ANKRD52: variants seen among roughly 807,000 people sequenced by gnomAD.
ANKRD52 encodes the protein ankyrin repeat domain 52.
Under a neutral mutation model 116.0 loss-of-function variants are expected in ANKRD52, and 7 were observed. The ratio of observed to expected loss-of-function variants is 0.06; its 90% CI spans 0.03 to 0.11. The LOEUF is 0.11. Among genes scored for constraint, ANKRD52 ranks in the 10% least tolerant of loss-of-function variants. ANKRD52 has a pLI of 1.00. For synonymous variants in ANKRD52, 528 were observed against 578.1 expected, an observed-to-expected ratio of 0.91 and a Z score of 1.24; for missense variants, 839 against 1,408.6, an observed-to-expected ratio of 0.60 and a Z score of 6.47.
chr12:56,256,992 T>G lies in ANKRD52; in HGVS notation c.261+23A>C, dbSNP rs780390395. On this transcript the variant is annotated intron_variant, in intron 4 of 27. Transcript: ENST00000267116. ...AAGCAACTTATCCTTTTTGAAAGGG[T>G]AATAGAAGGTGGGGGTGCATACCTC... 12 of 1,606,124 alleles carry G rather than the reference T, an allele frequency of 7.5e-6. 1 individual carries two copies. The South Asian group carries it at 1.3e-4, about 18-fold the overall frequency.
intron 4 of ANKRD52, among the ~76,000 whole-genome samples, 159 bp from the exon 5 acceptor site, chr12:56,256,143 C>T (rs775184515): frequency 2.6e-5 from 4 of 152,126 alleles, no homozygotes; most frequent in Non-Finnish European, 4.4e-5. Context: ...ACCTACTTTC[C>T]ATCTTCTGGA....
rs1286813516 is a variant in ANKRD52, at chr12:56,238,732, G to C, written c.*4410C>G. ...ACCCCTGCCAAACCCACTCAAGCCA[G>C]AACCCACCCCCACCCCCCAAACACA... On this transcript the variant is annotated 3_prime_UTR_variant, in exon 28 of 28. Coordinates refer to ENST00000267116, the MANE Select transcript of ANKRD52 (RefSeq NM_173595.4). 6.6e-6 allele frequency: 1 copy of C among 152,210 alleles called. No individual in the cohort carries two copies. Among genetic ancestry groups the C allele is most frequent in the African/African-American group, 2.4e-5 (1 of 41,274 alleles). 9.4% of individuals were successfully genotyped at this position (152,210 alleles called of 1,614,324 possible). A position where few individuals can be genotyped will look rare whatever the true frequency, so the allele number is the denominator to read the frequency against.
Position 56,252,038 on chromosome 12 carries a change from C to T in ANKRD52, c.1569G>A (p.Glu523=). ...ACAAGAAGGCCTCCTTCCTGCGGGACTCCTTCAGTGGCTCGTCCTCTTCGG... is the reference window on the plus strand; with the variant it reads ...ACAAGAAGGCCTCCTTCCTGCGGGATTCCTTCAGTGGCTCGTCCTCTTCGG... ...HDAEEDEPLK[E]SRRKEAFFCL... The change falls in exon 15 of 28, where the codon GAG becomes GAA. Residue 523 remains glutamate, a synonymous_variant. Coordinates refer to ENST00000267116, the MANE Select transcript of ANKRD52 (RefSeq NM_173595.4). The surrounding 1 kb of genome is among the most constrained non-coding windows in gnomAD (Gnocchi z 4.7). 1.2e-6 allele frequency: 2 copies of T among 1,613,918 alleles called. No homozygotes were observed. The highest frequency in any genetic ancestry group is 1.7e-6 in the Non-Finnish European group (2 of 1,179,892).
Position 56,253,896 on chromosome 12 carries a change from CA to C in ANKRD52, c.907-97del. ...CCTTCCAAGGACATATCTCTAAGGA[CA>C]AAAGGGTCATATGGCACCTTCTTAG... is the stretch of plus-strand genomic sequence containing the variant. On this transcript the variant is annotated intron_variant, in intron 8 of 27. Transcript: ENST00000267116. This position sits in a 1 kb window ranked among gnomAD's most constrained non-coding sequence, Gnocchi z 5.5. 7.0e-7 allele frequency: 1 copy of C among 1,428,082 alleles called. No homozygotes were observed. Among genetic ancestry groups the C allele is most frequent in the African/African-American group, 1.4e-5 (1 of 70,476 alleles). The allele number at this position is 1,428,082 out of a possible 1,614,324, so 88.5% of individuals were successfully genotyped here.
At position 56,253,416 on chromosome 12, in the gene ANKRD52, C is replaced by T; in HGVS notation, c.986-14G>A. Reference sequence around the variant, plus strand: ...CAATCTCGCTGCCTGTGAGGGGATGCACACACACAAGCTCAGGCAGACCTC... The same window carrying T: ...CAATCTCGCTGCCTGTGAGGGGATGTACACACACAAGCTCAGGCAGACCTC... On this transcript the variant is annotated splice_polypyrimidine_tract_variant and intron_variant, in intron 9 of 27. Transcript: ENST00000267116. The surrounding 1 kb of genome is among the most constrained non-coding windows in gnomAD (Gnocchi z 5.5). The T allele has an allele frequency of 6.3e-7, 1 of 1,597,916 alleles. No homozygotes were observed. Among genetic ancestry groups the T allele is most frequent in the Non-Finnish European group, 8.6e-7 (1 of 1,165,978 alleles).
intron 3 of ANKRD52, 34 bp downstream of exon 3, chr12:56,257,249 C>A: frequency 6.4e-7 from 1 of 1,570,510 alleles, no homozygotes; most frequent in Non-Finnish European, 8.6e-7. Context: ...CCTTCGCTCC[C>A]TATGTGCCAC....
chr12:56,244,560 C>A lies in ANKRD52; in HGVS notation c.2722+92G>T. On this transcript the variant is annotated intron_variant, in intron 24 of 27. Coordinates refer to ENST00000267116, the MANE Select transcript of ANKRD52 (RefSeq NM_173595.4). The surrounding 1 kb of genome is among the most constrained non-coding windows in gnomAD (Gnocchi z 4.9). ...AAAGACAACCCTCTTGCTTTCTGAA[C>A]CCCAGCCCCAGCCAGCCTCCACAGG... The A allele has an allele frequency of 6.2e-7, 1 of 1,600,010 alleles. No homozygotes were observed. Among genetic ancestry groups the A allele is most frequent in the Non-Finnish European group, 8.5e-7 (1 of 1,172,402 alleles).
In ANKRD52 at chr12:56,252,691, G is replaced by A; in HGVS notation, c.1301+89C>T. 2 of 1,535,838 alleles carry A rather than the reference G, an allele frequency of 1.3e-6. No homozygotes were observed. The highest frequency in any genetic ancestry group is 2.2e-5 in the East Asian group (1 of 44,458). Reference sequence around the variant, plus strand: ...GCTGTGACTGCTTTCATTGTGAGAGGGGGAATAGATCTGGGCAGGCAAGAA... The same window carrying A: ...GCTGTGACTGCTTTCATTGTGAGAGAGGGAATAGATCTGGGCAGGCAAGAA... On this transcript the variant is annotated intron_variant, in intron 12 of 27. Coordinates refer to ENST00000267116, the MANE Select transcript of ANKRD52 (RefSeq NM_173595.4). This position sits in a 1 kb window ranked among gnomAD's most constrained non-coding sequence, Gnocchi z 4.7.
At chr12:56,258,220 C>A (rs1381436328) in intron 1 of ANKRD52, 23 bp downstream of exon 1, 3 of 1,598,368 alleles carry the variant, frequency 1.9e-6, no homozygotes, top group Non-Finnish European at 1.7e-6. Context: ...AAGGAGGAAG[C>A]GGGAAAGGGC....
At chr12:56,245,234 G>T (rs1441603181) in intron 21 of ANKRD52, 44 bp from the exon 22 acceptor site, 4 of 1,610,184 alleles carry the variant, frequency 2.5e-6, no homozygotes, top group Non-Finnish European at 3.4e-6. Context: ...AAAACGGCAA[G>T]GTTCCCTGTC....
At position 56,248,646 on chromosome 12, in the gene ANKRD52, C is replaced by A; in HGVS notation, c.1705-80G>T. On this transcript the variant is annotated intron_variant, in intron 16 of 27. Transcript: ENST00000267116. The surrounding 1 kb of genome is among the most constrained non-coding windows in gnomAD (Gnocchi z 5.1). ...CCAGTCCCCGACTCGCAGTAATCCC[C>A]ACTAAGCCTCTGGATCCAAAGACCA... 1 of 1,489,964 alleles carries A rather than the reference C, an allele frequency of 6.7e-7. No homozygotes were observed. Among genetic ancestry groups the A allele is most frequent in the East Asian group, 2.4e-5 (1 of 41,062 alleles). 92.3% of individuals were successfully genotyped at this position (1,489,964 alleles called of 1,614,324 possible).
rs1871716506 is a variant in ANKRD52 at position 56,251,972 on chromosome 12, G to A, written c.1592+43C>T. The A allele has an allele frequency of 1.9e-6, 3 of 1,592,856 alleles. No homozygotes were observed. In the East Asian group the frequency reaches 6.7e-5, roughly 36 times the overall value. On this transcript the variant is annotated intron_variant, in intron 15 of 27. Transcript: ENST00000267116. Reference sequence around the variant, plus strand: ...AGGACAGTAGGGCCAGAGCTTGCATGGGTTGGGGAAAGCACATCCCAGGGG... The same window carrying A: ...AGGACAGTAGGGCCAGAGCTTGCATAGGTTGGGGAAAGCACATCCCAGGGG...
chr12:56,256,432 GGTTC>G (rs1871956491), intron 4 of ANKRD52, among the ~76,000 whole-genome samples: 1 of 152,166 alleles, frequency 6.6e-6, no homozygotes, highest in South Asian at 2.1e-4. Flanking sequence ...AACAGATACT[GGTTC>G]GTTTGCAAAA....
chr12:56,256,449 C>T (rs1871957523), intron 4 of ANKRD52, among the ~76,000 whole-genome samples: 2 of 152,154 alleles, frequency 1.3e-5, no homozygotes, highest in African/African-American at 4.8e-5. Flanking sequence ...TTGCAAAACC[C>T]GAGCTAAAAT....
rs776449141 is a variant in ANKRD52 at position 56,239,085 on chromosome 12, C to T, written c.*4057G>A. On this transcript the variant is annotated 3_prime_UTR_variant, in exon 28 of 28. Coordinates refer to ENST00000267116, the MANE Select transcript of ANKRD52 (RefSeq NM_173595.4). ...CTCCCAAATGCAGTGACAGTGTCCC[C>T]CTCACACCTAAGTGGGCAACAGCAG... The T allele has an allele frequency of 6.6e-6, 1 of 152,412 alleles. No homozygotes were observed. Among genetic ancestry groups the T allele is most frequent in the Non-Finnish European group, 1.5e-5 (1 of 68,176 alleles). The allele number at this position is 152,412 out of a possible 1,614,324, so 9.4% of individuals were successfully genotyped here.
At position 56,244,545 on chromosome 12, in the gene ANKRD52, C is replaced by T; in HGVS notation, c.2722+107G>A. On this transcript the variant is annotated intron_variant, in intron 24 of 27. Coordinates refer to ENST00000267116, the MANE Select transcript of ANKRD52 (RefSeq NM_173595.4). The surrounding 1 kb of genome is among the most constrained non-coding windows in gnomAD (Gnocchi z 4.9). ...GATGGCGAGACATCCAAAGACAACC[C>T]TCTTGCTTTCTGAACCCCAGCCCCA... The T allele has an allele frequency of 1.3e-6, 2 of 1,597,988 alleles. No homozygotes were observed. Among genetic ancestry groups the T allele is most frequent in the Non-Finnish European group, 1.7e-6 (2 of 1,171,094 alleles).
intron 20 of ANKRD52, 112 bp from the exon 21 acceptor site, chr12:56,245,708 CTTTTTTTTTTT>C (rs918818332): frequency 2.8e-5 from 11 of 397,888 alleles, no homozygotes; most frequent in Non-Finnish European, 4.5e-5. Flanking sequence ...CAATCCTTGT[CTTTTTTTTTTT>C]TTTTTTTTTT....
At position 56,252,738 on chromosome 12, in the gene ANKRD52, C is replaced by A. The variant is rs376409871; in HGVS notation, c.1301+42G>T. The A allele has an allele frequency of 4.4e-6, 7 of 1,598,546 alleles. No homozygotes were observed. Among genetic ancestry groups the A allele is most frequent in the Non-Finnish European group, 6.0e-6 (7 of 1,167,722 alleles). ...AGAATGAGGGGCCCAGACCTTTGCC[C>A]AGCTCCCTGCTCAAAGCATGGGAGA... On this transcript the variant is annotated intron_variant, in intron 12 of 27. Coordinates refer to ENST00000267116, the MANE Select transcript of ANKRD52 (RefSeq NM_173595.4). The surrounding 1 kb of genome is among the most constrained non-coding windows in gnomAD (Gnocchi z 4.7).
rs1328474467 is a variant in ANKRD52, at chr12:56,248,124, G to A, written c.1877C>T (p.Thr626Met). 6.2e-7 allele frequency: 1 copy of A among 1,613,778 alleles called. No individual in the cohort carries two copies. The highest frequency in any genetic ancestry group is 8.5e-7 in the Non-Finnish European group (1 of 1,179,902). The change falls in exon 18 of 28, where the codon ACG becomes ATG. Residue 626 changes from threonine (T) to methionine (M), a missense_variant. Thr to Met is a moderately conservative substitution (Grantham distance 81). Around this residue, in one of 2 missense-constraint regions of ANKRD52, gnomAD observed 552 missense variants for 810.6 expected, o/e 0.68. Transcript: ENST00000267116. The surrounding 1 kb of genome is among the most constrained non-coding windows in gnomAD (Gnocchi z 5.1). ...CACACACTCAGTAGAGCCGCGCTCC[G>A]TGGCCAGGAAGAGTGCGGTCCGGCC... ...HKGRTALFLA[T>M]ERGSTECVEV...
Sources: gnomAD v4.1 joint callset for allele counts (sites outside exome capture counted in the v4.1 genomes callset) on GRCh38, gnomAD v4.1.1 for gene constraint, gnomAD v4.1.1 regional missense constraint, Gnocchi (gnomAD v3.1) non-coding constraint, MANE v1.5 for transcripts, NCBI Gene and HGNC (gene_info 2026-07-23, HGNC 2026-07-21) for gene names.